Variants in ASPH observed in about 807,000 individuals in gnomAD.
ASPH encodes the protein aspartyl/asparaginyl beta-hydroxylase.
A neutral mutation model predicts 118.4 loss-of-function variants in ASPH; 100 were observed. The observed-to-expected ratio is 0.84, with a 90% CI of 0.72 to 1.00. The LOEUF (loss-of-function observed/expected upper bound fraction) is 1.00. Among genes scored for constraint, ASPH ranks in the 50% least tolerant of loss-of-function variants. ASPH has a pLI of 0.00. For missense variants in ASPH, 920 were observed against 919.5 expected (o/e 1.00, Z -0.01); for synonymous variants, 315 against 325.6 (o/e 0.97, Z 0.35).
chr8:61,699,832 T>C (rs1295437798), intron 1 of ASPH, among the ~76,000 whole-genome samples: 2 of 152,214 alleles, frequency 1.3e-5, no homozygotes, highest in African/African-American at 4.8e-5. Flanking sequence ...GGAGATTGAC[T>C]TCTCATTCCC....
At position 61,614,399 on chromosome 8, in the gene ASPH, C is replaced by T. The variant is rs1236959363; in HGVS notation, c.976+4579G>A. Among the ~76,000 whole-genome samples, 3 of 152,340 alleles carry T rather than the reference C, an allele frequency of 2.0e-5. No individual in the cohort carries two copies. In the East Asian group the frequency reaches 5.8e-4, roughly 29 times the overall value. ...AAGGCTCACAAATCCCAACTGATAA[C>T]TGACCTTTGATAATATACTAAATCA... On this transcript the variant is annotated intron_variant, in intron 14 of 24. Coordinates refer to ENST00000379454, the MANE Select transcript of ASPH (RefSeq NM_004318.4).
chr8:61,624,201 T>C, intron 13 of ASPH: 2 of 964,148 alleles, frequency 2.1e-6, no homozygotes, highest in Non-Finnish European at 1.2e-6. Flanking sequence ...AATTTATACA[T>C]CTATTATATA....
chr8:61,546,659 G>C (rs1049138860), intron 21 of ASPH, among the ~76,000 whole-genome samples: 2 of 152,114 alleles, frequency 1.3e-5, no homozygotes, highest in African/African-American at 4.8e-5. Flanking sequence ...GGATTATGAA[G>C]ATTATAAAGT....
intron 13 of ASPH, chr8:61,632,567 T>C (rs1197385632): frequency 8.7e-6 from 3 of 345,764 alleles, no homozygotes; most frequent in African/African-American, 2.2e-5. Context: ...AAATACACAC[T>C]GCCTAGTAGT....
intron 5 of ASPH, 66 bp downstream of exon 5, chr8:61,650,984 A>C (rs1339670327): frequency 2.6e-5 from 38 of 1,450,894 alleles, no homozygotes; most frequent in Non-Finnish European, 3.6e-5. Flanking sequence ...ACAAATGTCC[A>C]AGTCATTTTA....
chr8:61,570,434 A>G (rs927151584), intron 16 of ASPH, among the ~76,000 whole-genome samples: 1 of 152,164 alleles, frequency 6.6e-6, no homozygotes, highest in Non-Finnish European at 1.5e-5. Flanking sequence ...CATTAGTGGG[A>G]GGACAAATGC....
At position 61,714,345 on chromosome 8, in the gene ASPH, G is replaced by A. The variant is rs1251621439; in HGVS notation, c.27C>T (p.Ser9=). ...AGCCGCTGCTGCTGCTGTTGCCGCTGCTCTTGGCATTCTTACGCTGGGCCA... is the reference window on the plus strand; with the variant it reads ...AGCCGCTGCTGCTGCTGTTGCCGCTACTCTTGGCATTCTTACGCTGGGCCA... MAQRKNAK[S]SGNSSSSGSG... The change falls in exon 1 of 25, where the codon AGC becomes AGT. Residue 9 remains serine (S), a synonymous_variant. Transcript: ENST00000379454. 2 of 1,517,782 alleles carry A rather than the reference G, an allele frequency of 1.3e-6. No homozygotes were observed. Among genetic ancestry groups the A allele is most frequent in the Non-Finnish European group, 1.8e-6 (2 of 1,133,524 alleles). 94.0% of individuals were successfully genotyped at this position (1,517,782 alleles called of 1,614,324 possible).
At chr8:61,662,706 AAAT>A in intron 3 of ASPH, 1 of 358,036 alleles carries the variant, frequency 2.8e-6, no homozygotes, top group South Asian at 1.1e-4. Flanking sequence ...AGATGGGAAA[AAAT>A]AAATCAAGTT....
At chr8:61,594,729 T>G (rs1047635204) in intron 14 of ASPH, among the ~76,000 whole-genome samples, 1 of 152,226 alleles carries the variant, frequency 6.6e-6, no homozygotes. Flanking sequence ...GTGACTAATT[T>G]ATAGATTAAG....
intron 16 of ASPH, among the ~76,000 whole-genome samples, chr8:61,569,094 A>G (rs1352580342): frequency 6.6e-6 from 1 of 152,234 alleles, no homozygotes; most frequent in East Asian, 1.9e-4. Flanking sequence ...ACAGGAGGGA[A>G]GGCAGAACAT....
intron 21 of ASPH, among the ~76,000 whole-genome samples, chr8:61,542,549 A>G (rs1298290882): frequency 1.3e-5 from 2 of 152,208 alleles, no homozygotes; most frequent in African/African-American, 4.8e-5. Flanking sequence ...TACAAATTAC[A>G]TCTTTCTATG....
chr8:61,614,006 TA>T (rs1848255970), intron 14 of ASPH, among the ~76,000 whole-genome samples: 1 of 152,210 alleles, frequency 6.6e-6, no homozygotes, highest in African/African-American at 2.4e-5. Context: ...CAAGCTGATT[TA>T]CTGGCTGTAA....
At chr8:61,658,596 C>T (rs1435448788) in intron 3 of ASPH, 1 of 152,118 alleles carries the variant, frequency 6.6e-6, no homozygotes, top group Non-Finnish European at 1.5e-5. Flanking sequence ...GGGGACAAAA[C>T]AGGACCCCTA....
intron 24 of ASPH, among the ~76,000 whole-genome samples, chr8:61,504,146 A>T (rs936085163): frequency 2.6e-5 from 4 of 152,208 alleles, no homozygotes; most frequent in African/African-American, 9.6e-5. Context: ...TTACCTCATA[A>T]GATATCTGTA....
In ASPH at chr8:61,625,983, C is replaced by T. The variant is rs1319239791; in HGVS notation, c.935-6964G>A. On this transcript the variant is annotated intron_variant, in intron 13 of 24. Coordinates refer to ENST00000379454, the MANE Select transcript of ASPH (RefSeq NM_004318.4). ...AAAACACACATAAATTCAGGTAAGA[C>T]TAAAAGCTGTCTCACAAAAAGAAAA... The T allele has an allele frequency of 6.0e-6, 7 of 1,174,222 alleles. No individual in the cohort carries two copies. The East Asian group carries it at 2.7e-4, about 45-fold the overall frequency. 72.7% of individuals were successfully genotyped at this position (1,174,222 alleles called of 1,614,324 possible). A position where few individuals can be genotyped will look rare whatever the true frequency, so the allele number is the denominator to read the frequency against.
intron 4 of ASPH, among the ~76,000 whole-genome samples, chr8:61,652,392 C>A (rs1316613684): frequency 1.3e-5 from 2 of 152,128 alleles, no homozygotes; most frequent in East Asian, 1.9e-4. Flanking sequence ...ACACACTTCT[C>A]CAGAATCATC....
chr8:61,599,478 C>CAAA (rs201476150), intron 14 of ASPH, among the ~76,000 whole-genome samples: 2 of 96,928 alleles, frequency 2.1e-5, no homozygotes, highest in African/African-American at 6.2e-5. Context: ...TTAAAAAAGT[C>CAAA]AAAAAAAAAA....
chr8:61,661,242 T>A (rs1816752742), intron 3 of ASPH: 1 of 152,204 alleles, frequency 6.6e-6, no homozygotes, highest in Non-Finnish European at 1.5e-5. Flanking sequence ...TCTGTTGACC[T>A]AAGTAGGAAT....
intron 14 of ASPH, among the ~76,000 whole-genome samples, chr8:61,592,144 C>G (rs1841321221): frequency 6.6e-6 from 1 of 152,166 alleles, no homozygotes; most frequent in Non-Finnish European, 1.5e-5. Flanking sequence ...TTTGTTTTTT[C>G]ATCCACGAAA....
Sources: allele counts gnomAD v4.1 joint callset (sites outside exome capture counted in the v4.1 genomes callset), GRCh38; gene constraint gnomAD v4.1.1; transcripts MANE v1.5; gene names NCBI Gene and HGNC (gene_info 2026-07-23, HGNC 2026-07-21).